The following FAM110B variants were observed in gnomAD, a reference collection of about 807,000 sequenced individuals.
FAM110B encodes the protein protein FAM110B.
A neutral mutation model predicts 20.4 loss-of-function variants in FAM110B; 6 were observed. The observed-to-expected ratio is 0.29, with a 90% CI of 0.16 to 0.58. The LOEUF (loss-of-function observed/expected upper bound fraction) is 0.58. Ranked by LOEUF, FAM110B falls within the 20% of genes least tolerant of loss-of-function variation. The pLI, the probability that FAM110B is intolerant of heterozygous loss-of-function variation, is 0.90. For synonymous variants in FAM110B, 226 were observed against 214.1 expected (o/e 1.06, Z -0.49); for missense variants, 434 against 498.2 (o/e 0.87, Z 1.23).
At chr8:58,052,106 A>G (rs1349842067) in intron 2 of FAM110B, among the ~76,000 whole-genome samples, 1 of 152,242 alleles carries the variant, frequency 6.6e-6, no homozygotes, top group Non-Finnish European at 1.5e-5. Flanking sequence ...ATAAAAAATC[A>G]AAACATGGGA....
chr8:58,065,259 A>C (rs776989026), intron 2 of FAM110B, among the ~76,000 whole-genome samples: 14 of 152,220 alleles, frequency 9.2e-5, no homozygotes, highest in Non-Finnish European at 1.5e-4. Flanking sequence ...TCAAATTATC[A>C]GAACCTCCAT....
At position 58,033,193 on chromosome 8, in the gene FAM110B, G is replaced by A. The variant is rs146251590; in HGVS notation, c.-414+1490G>A. ...CTGCATTAATTCACTTAGGATAATG[G>A]CCTCCAGCTGTGTCCATGCTGCTGC... On this transcript the variant is annotated intron_variant, in intron 2 of 3. Coordinates refer to ENST00000519262, the MANE Select transcript of FAM110B (RefSeq NM_001377989.1). 4.0e-3 allele frequency among the ~76,000 whole-genome samples: 613 copies of A among 152,114 alleles called. 2 individuals are homozygous for A. Among genetic ancestry groups the A allele is most frequent in the African/African-American group, 0.014 (567 of 41,494 alleles).
At chr8:58,050,435 C>G (rs1281632886) in intron 2 of FAM110B, among the ~76,000 whole-genome samples, 1 of 152,090 alleles carries the variant, frequency 6.6e-6, no homozygotes, top group African/African-American at 2.4e-5. Flanking sequence ...GTCTCCAGCG[C>G]AAGGAGTTGG....
At chr8:58,081,904 T>C (rs1806201987) in intron 3 of FAM110B, among the ~76,000 whole-genome samples, 1 of 152,244 alleles carries the variant, frequency 6.6e-6, no homozygotes, top group Admixed American at 6.5e-5. Flanking sequence ...CATTTATTTA[T>C]AAGTAGTCTT....
chr8:58,130,653 A>G (rs1803438487), intron 3 of FAM110B, among the ~76,000 whole-genome samples: 1 of 152,228 alleles, frequency 6.6e-6, no homozygotes, highest in Non-Finnish European at 1.5e-5. Context: ...TGCTAGTAAC[A>G]GTGCCCAGCG....
At chr8:58,131,458 C>T (rs1363265340) in intron 3 of FAM110B, among the ~76,000 whole-genome samples, 1 of 152,136 alleles carries the variant, frequency 6.6e-6, no homozygotes, top group East Asian at 1.9e-4. Context: ...AAATAAATAT[C>T]CTCTCTTGGT....
intron 1 of FAM110B, among the ~76,000 whole-genome samples, chr8:58,002,845 G>T (rs1425002144): frequency 6.6e-6 from 1 of 152,204 alleles, no homozygotes; most frequent in Non-Finnish European, 1.5e-5. Flanking sequence ...TCTTGCCTTA[G>T]TGTTGATGGC....
chr8:58,114,658 C>T (rs139454113), intron 3 of FAM110B, among the ~76,000 whole-genome samples: 16 of 152,316 alleles, frequency 1.1e-4, no homozygotes, highest in South Asian at 4.1e-4. Flanking sequence ...GACCAAACCA[C>T]GAGCTGAAGG....
At chr8:58,039,015 T>C (rs892171975) in intron 2 of FAM110B, among the ~76,000 whole-genome samples, 5 of 152,264 alleles carry the variant, frequency 3.3e-5, no homozygotes, top group Admixed American at 3.3e-4. Flanking sequence ...CCAGAGTTGT[T>C]ATCTGATCCC....
At chr8:58,079,586 G>T (rs954298488) in intron 3 of FAM110B, among the ~76,000 whole-genome samples, 19 of 152,104 alleles carry the variant, frequency 1.2e-4, no homozygotes, top group African/African-American at 4.6e-4. Flanking sequence ...AGACCAGCCT[G>T]AGCAACACTG....
At chr8:58,075,512 T>A (rs2150593291) in intron 2 of FAM110B, 23 bp from the exon 3 acceptor site, 2 of 152,256 alleles carry the variant, frequency 1.3e-5, no homozygotes, top group East Asian at 1.9e-4. Flanking sequence ...GCAATAACAA[T>A]CTTTTCTTCC....
At chr8:58,048,494 T>G (rs577060718) in intron 2 of FAM110B, among the ~76,000 whole-genome samples, 1 of 152,292 alleles carries the variant, frequency 6.6e-6, no homozygotes, top group South Asian at 2.1e-4. Flanking sequence ...CATCTGCCCC[T>G]TCCTTCCCCC....
intron 1 of FAM110B, among the ~76,000 whole-genome samples, chr8:58,028,750 C>T (rs1344978989): frequency 1.3e-5 from 2 of 152,170 alleles, no homozygotes; most frequent in African/African-American, 4.8e-5. Flanking sequence ...CTTTTTTGGG[C>T]ATGCGTAGAG....
chr8:57,997,793 G>A (rs1395024903), intron 1 of FAM110B, among the ~76,000 whole-genome samples: 1 of 152,200 alleles, frequency 6.6e-6, no homozygotes, highest in African/African-American at 2.4e-5. Flanking sequence ...CATAATAACA[G>A]TTATCTCTAA....
At chr8:58,119,901 T>G (rs1807312309) in intron 3 of FAM110B, among the ~76,000 whole-genome samples, 1 of 152,208 alleles carries the variant, frequency 6.6e-6, no homozygotes, top group Admixed American at 6.5e-5. Flanking sequence ...TCTTTTACTA[T>G]TGAGAAAACC....
At chr8:58,126,359 A>G (rs1585908546) in intron 3 of FAM110B, among the ~76,000 whole-genome samples, 1 of 152,222 alleles carries the variant, frequency 6.6e-6, no homozygotes, top group Non-Finnish European at 1.5e-5. Flanking sequence ...GCTCTGAACA[A>G]CTGTGTATAG....
intron 3 of FAM110B, among the ~76,000 whole-genome samples, chr8:58,096,077 C>G (rs1370301188): frequency 6.6e-6 from 1 of 152,134 alleles, no homozygotes; most frequent in East Asian, 1.9e-4. Context: ...CTTTTATTTG[C>G]TTTCCATTTG....
At chr8:58,010,910 A>G (rs923552001) in intron 1 of FAM110B, among the ~76,000 whole-genome samples, 11 of 152,210 alleles carry the variant, frequency 7.2e-5, no homozygotes, top group Non-Finnish European at 1.3e-4. Context: ...CTGCTTTGAC[A>G]AATTTCCAGG....
Position 58,146,214 on chromosome 8 carries a change from G to A in FAM110B, c.-17G>A, listed in dbSNP as rs2150646627. The A allele has an allele frequency of 1.3e-6, 2 of 1,576,988 alleles. No individual in the cohort carries two copies. The highest frequency in any genetic ancestry group is 1.2e-5 in the South Asian group (1 of 86,478). Reference sequence around the variant, plus strand: ...AGAAGAGCATCCAACACGGCTGCCGGGGAAAGACCGCCCACCATGCCCACG... The same window carrying A: ...AGAAGAGCATCCAACACGGCTGCCGAGGAAAGACCGCCCACCATGCCCACG... On this transcript the variant is annotated 5_prime_UTR_variant, in exon 4 of 4. Coordinates refer to ENST00000519262, the MANE Select transcript of FAM110B (RefSeq NM_001377989.1).
Sources: allele counts gnomAD v4.1 joint callset (sites outside exome capture counted in the v4.1 genomes callset), GRCh38; gene constraint gnomAD v4.1.1; transcripts MANE v1.5; gene names NCBI Gene and HGNC (gene_info 2026-07-23, HGNC 2026-07-21).